CNTNAP5: variants seen among roughly 807,000 people sequenced by gnomAD.
CNTNAP5 encodes the protein contactin-associated protein-like 5.
CNTNAP5 carries 72 observed loss-of-function variants against 150.2 expected under a neutral mutation model. The ratio of observed to expected loss-of-function variants is 0.48; its 90% CI spans 0.40 to 0.58. The LOEUF (loss-of-function observed/expected upper bound fraction) is 0.58, where lower values mean the gene tolerates loss of function less well. CNTNAP5 is among the 20% of genes least tolerant of loss of function. The probability of loss-of-function intolerance (pLI) is 0.00; values close to 1 mark genes in which losing one functional copy is unlikely to be tolerated. For missense variants in CNTNAP5, 1,636 were observed against 1,626.2 expected (o/e 1.01, Z -0.10); for synonymous variants, 672 against 619.8 (o/e 1.08, Z -1.25).
At chr2:124,694,994 TTGTGTGTGTG>T (rs138349590) in intron 13 of CNTNAP5, among the ~76,000 whole-genome samples, 8 of 150,204 alleles carry the variant, frequency 5.3e-5, no homozygotes, top group Non-Finnish European at 7.4e-5. Flanking sequence ...ATTTCCTAAA[TTGTGTGTGTG>T]TGTGTGTGTG....
At chr2:124,445,019 C>A (rs1558905282) in intron 5 of CNTNAP5, among the ~76,000 whole-genome samples, 2 of 151,900 alleles carry the variant, frequency 1.3e-5, no homozygotes, top group South Asian at 4.1e-4. Flanking sequence ...TACCTTTAAA[C>A]TCTATGTCTC....
intron 14 of CNTNAP5, among the ~76,000 whole-genome samples, chr2:124,748,270 T>A (rs1229168549): frequency 6.6e-6 from 1 of 152,162 alleles, no homozygotes; most frequent in Non-Finnish European, 1.5e-5. Context: ...TTTCCCAGTG[T>A]CAAACATGTC....
At chr2:124,233,174 T>C (rs1431837190) in intron 2 of CNTNAP5, among the ~76,000 whole-genome samples, 1 of 152,104 alleles carries the variant, frequency 6.6e-6, no homozygotes, top group African/African-American at 2.4e-5. Flanking sequence ...GGCAGCATTG[T>C]CCTGGAACTG....
At chr2:124,451,053 T>A (rs10176052) in intron 6 of CNTNAP5, among the ~76,000 whole-genome samples, 1,631 of 53,372 alleles carry the variant, frequency 0.031, 10 homozygotes, top group Middle Eastern at 0.069. Context: ...AAAAAAAAAA[T>A]ATATATATAT....
At chr2:124,706,982 AAGGAGAAGG>A (rs1679676889) in intron 13 of CNTNAP5, among the ~76,000 whole-genome samples, 1 of 131,870 alleles carries the variant, frequency 7.6e-6, no homozygotes. Flanking sequence ...GAAGAGTAAG[AAGGAGAAGG>A]AGAAGAGGAA....
intron 13 of CNTNAP5, among the ~76,000 whole-genome samples, chr2:124,701,958 A>G (rs369435434): frequency 6.6e-6 from 1 of 152,042 alleles, no homozygotes; most frequent in African/African-American, 2.4e-5. Context: ...ATTTTCAAAT[A>G]TATATAAAAT....
intron 13 of CNTNAP5, among the ~76,000 whole-genome samples, chr2:124,706,899 A>AG (rs1482624837): frequency 0.074 from 1,017 of 13,738 alleles, 164 homozygotes; most frequent in Non-Finnish European, 0.11. Flanking sequence ...AAGAGGAAGA[A>AG]GAAGGAGGAG....
intron 19 of CNTNAP5, among the ~76,000 whole-genome samples, chr2:124,855,167 CTTTTTT>C (rs70999224): frequency 4.2e-5 from 3 of 71,482 alleles, no homozygotes; most frequent in Admixed American, 4.1e-4. Context: ...TGGGCTTTTG[CTTTTTT>C]TTTTTTTTTT....
intron 13 of CNTNAP5, among the ~76,000 whole-genome samples, chr2:124,740,281 T>C (rs1680470618): frequency 6.6e-6 from 1 of 152,060 alleles, no homozygotes. Flanking sequence ...AAGTGACCAG[T>C]TGTGAGAATA....
intron 2 of CNTNAP5, among the ~76,000 whole-genome samples, chr2:124,226,038 C>T (rs963542421): frequency 3.9e-5 from 6 of 152,076 alleles, no homozygotes; most frequent in East Asian, 1.9e-4. Context: ...AGGTCGCTTC[C>T]GTATCTTGGC....
Position 124,916,605 on chromosome 2 carries a change from G to T in CNTNAP5, c.*2317G>T, listed in dbSNP as rs1678774273. Among the ~76,000 whole-genome samples, 1 of 152,042 alleles carries T rather than the reference G, an allele frequency of 6.6e-6. No homozygotes were observed. Among genetic ancestry groups the T allele is most frequent in the Admixed American group, 6.6e-5 (1 of 15,228 alleles). ...TTTTGCTGACATAGTGCTAATAGAAGAAATGGAGACTAGCAAAGGCTAACT... is the reference window on the plus strand; with the variant it reads ...TTTTGCTGACATAGTGCTAATAGAATAAATGGAGACTAGCAAAGGCTAACT... On this transcript the variant is annotated 3_prime_UTR_variant, in exon 24 of 24. Transcript: ENST00000682447.
chr2:124,249,005 T>C (rs1687099947), intron 3 of CNTNAP5, among the ~76,000 whole-genome samples: 1 of 152,160 alleles, frequency 6.6e-6, no homozygotes, highest in South Asian at 2.1e-4. Context: ...ATTTTCAATA[T>C]GTATAAACCT....
At chr2:124,623,763 C>A (rs999107426) in intron 12 of CNTNAP5, among the ~76,000 whole-genome samples, 5 of 152,184 alleles carry the variant, frequency 3.3e-5, no homozygotes, top group Non-Finnish European at 5.9e-5. Context: ...AGCTCACAAG[C>A]TGAGTCCCCT....
At position 124,301,458 on chromosome 2, in the gene CNTNAP5, C is replaced by T. The variant is rs115347452; in HGVS notation, c.381+59065C>T. ...GCATAATGTGGTATTCTTGGCTATC[C>T]TCATATAGTTAAATTTCATTGATGC... On this transcript the variant is annotated intron_variant, in intron 3 of 23. Coordinates refer to ENST00000682447, the MANE Select transcript of CNTNAP5 (RefSeq NM_001367498.1). Among the ~76,000 whole-genome samples, 548 of 152,274 alleles carry T rather than the reference C, an allele frequency of 3.6e-3. 3 individuals carry two copies. The highest frequency in any genetic ancestry group is 0.013 in the African/African-American group (520 of 41,548).
At chr2:124,268,707 G>T (rs1687672448) in intron 3 of CNTNAP5, among the ~76,000 whole-genome samples, 1 of 152,098 alleles carries the variant, frequency 6.6e-6, no homozygotes, top group Admixed American at 6.5e-5. Flanking sequence ...AAGTCACTGG[G>T]GGCCAAGCTT....
chr2:124,636,910 C>CTCCTCTCCTCTGTCTCTTTTTG (rs1677982559), intron 12 of CNTNAP5, among the ~76,000 whole-genome samples: 1 of 151,908 alleles, frequency 6.6e-6, no homozygotes, highest in Admixed American at 6.6e-5. Flanking sequence ...TTCTCTTTTT[C>CTCCTCTCCTCTGTCTCTTTTTG]TCCTCTCCTC....
intron 1 of CNTNAP5, among the ~76,000 whole-genome samples, chr2:124,150,891 CCT>C (rs1684390110): frequency 6.6e-6 from 1 of 152,154 alleles, no homozygotes; most frequent in South Asian, 2.1e-4. Context: ...TACTCAGCCC[CCT>C]GTCCCTTCTG....
chr2:124,881,969 A>G (rs895517093), intron 21 of CNTNAP5, among the ~76,000 whole-genome samples: 3 of 151,926 alleles, frequency 2.0e-5, no homozygotes, highest in African/African-American at 7.3e-5. Flanking sequence ...TGATTTTAGG[A>G]TCCCTACTAG....
chr2:124,733,644 T>C (rs1680321505), intron 13 of CNTNAP5, among the ~76,000 whole-genome samples: 1 of 151,618 alleles, frequency 6.6e-6, no homozygotes, highest in South Asian at 2.1e-4. Context: ...GGCTAGGGAG[T>C]AGAGGTATTG....
Sources: gnomAD v4.1 joint callset for allele counts (sites outside exome capture counted in the v4.1 genomes callset) on GRCh38, gnomAD v4.1.1 for gene constraint, MANE v1.5 for transcripts, NCBI Gene and HGNC (gene_info 2026-07-23, HGNC 2026-07-21) for gene names.